SLC9A9: variants seen among roughly 807,000 people sequenced by gnomAD.
SLC9A9 encodes sodium/hydrogen exchanger 9.
In SLC9A9, 62 loss-of-function variants were observed where a neutral mutation model predicts 77.8. The ratio of observed to expected loss-of-function variants is 0.80; its 90% confidence interval spans 0.65 to 0.98. SLC9A9 has a LOEUF of 0.98. SLC9A9 is among the 50% of genes least tolerant of loss of function. The probability of loss-of-function intolerance (pLI) is 0.00; values close to 1 mark genes in which losing one functional copy is unlikely to be tolerated. For synonymous variants in SLC9A9, 320 were observed against 283.5 expected (o/e 1.13, Z -1.29); for missense variants, 775 against 774.9 (o/e 1.00, Z 0.00).
intron 4 of SLC9A9, among the ~76,000 whole-genome samples, chr3:143,725,843 A>G (rs2108806009): frequency 6.6e-6 from 1 of 151,726 alleles, no homozygotes; most frequent in Admixed American, 6.6e-5. Context: ...ATATGTAACT[A>G]ACCTGCACAT....
intron 12 of SLC9A9, among the ~76,000 whole-genome samples, chr3:143,419,153 T>G (rs2034252121): frequency 6.6e-6 from 1 of 152,186 alleles, no homozygotes; most frequent in Non-Finnish European, 1.5e-5. Flanking sequence ...CATTACCCTA[T>G]TAGGGTCTTA....
At chr3:143,510,150 A>G (rs1454000492) in intron 9 of SLC9A9, among the ~76,000 whole-genome samples, 2 of 152,242 alleles carry the variant, frequency 1.3e-5, no homozygotes, top group Non-Finnish European at 2.9e-5. Flanking sequence ...GTTGCTTAGA[A>G]AATATTACTA....
intron 2 of SLC9A9, among the ~76,000 whole-genome samples, chr3:143,809,807 C>A (rs1295683148): frequency 4.6e-5 from 7 of 152,166 alleles, no homozygotes; most frequent in Non-Finnish European, 1.5e-5. Flanking sequence ...TGGCCACTAG[C>A]CACATGAGCC....
chr3:143,405,927 A>C (rs1223619242), intron 12 of SLC9A9, among the ~76,000 whole-genome samples: 1 of 152,228 alleles, frequency 6.6e-6, no homozygotes, highest in African/African-American at 2.4e-5. Context: ...ATTTCTAGAG[A>C]CTTTAAACGT....
intron 8 of SLC9A9, among the ~76,000 whole-genome samples, chr3:143,571,666 A>T (rs1287865390): frequency 6.6e-6 from 1 of 152,144 alleles, no homozygotes; most frequent in African/African-American, 2.4e-5. Context: ...TGTATAACTC[A>T]TCATGTTCCC....
At chr3:143,650,440 TG>T (rs1416890035) in intron 6 of SLC9A9, among the ~76,000 whole-genome samples, 1 of 151,996 alleles carries the variant, frequency 6.6e-6, no homozygotes, top group Non-Finnish European at 1.5e-5. Context: ...GTGAAGAGAA[TG>T]GCACATGGAA....
chr3:143,633,705 A>T (rs552966842), intron 6 of SLC9A9, among the ~76,000 whole-genome samples: 8 of 152,220 alleles, frequency 5.3e-5, no homozygotes, highest in African/African-American at 1.9e-4. Context: ...AACATTGAAC[A>T]TATCTATAGC....
chr3:143,578,481 T>A, intron 7 of SLC9A9, 104 bp downstream of exon 7: 2 of 1,558,646 alleles, frequency 1.3e-6, no homozygotes, highest in Non-Finnish European at 1.8e-6. Flanking sequence ...TGGACCAGAC[T>A]ATCTAGCCTT....
chr3:143,727,880 T>C (rs1019599566), intron 4 of SLC9A9, among the ~76,000 whole-genome samples: 1 of 152,256 alleles, frequency 6.6e-6, no homozygotes, highest in African/African-American at 2.4e-5. Flanking sequence ...CATTAATGTG[T>C]TTGACAAATA....
intron 9 of SLC9A9, among the ~76,000 whole-genome samples, chr3:143,512,256 T>C (rs2036129143): frequency 6.6e-6 from 1 of 152,236 alleles, no homozygotes; most frequent in Admixed American, 6.5e-5. Flanking sequence ...TAAAACTTTA[T>C]AGGATCTAAA....
chr3:143,528,244 GC>G (rs1159127844), intron 9 of SLC9A9, among the ~76,000 whole-genome samples: 1 of 152,060 alleles, frequency 6.6e-6, no homozygotes, highest in Non-Finnish European at 1.5e-5. Context: ...GCTTTTCTGT[GC>G]CTCCTTTTAG....
chr3:143,760,466 TCTC>T (rs2108831672), intron 4 of SLC9A9, among the ~76,000 whole-genome samples: 1 of 152,170 alleles, frequency 6.6e-6, no homozygotes, highest in African/African-American at 2.4e-5. Flanking sequence ...CAGCCCAAAA[TCTC>T]CTTAAGTTGA....
chr3:143,599,984 C>T (rs1034959541), intron 6 of SLC9A9, among the ~76,000 whole-genome samples: 6 of 151,948 alleles, frequency 3.9e-5, no homozygotes, highest in East Asian at 3.9e-4. Context: ...CCTACCAGCC[C>T]GGTACTGCTT....
chr3:143,536,489 A>T (rs571564363), intron 9 of SLC9A9, among the ~76,000 whole-genome samples: 1 of 152,374 alleles, frequency 6.6e-6, no homozygotes, highest in South Asian at 2.1e-4. Context: ...GTGAAAGTAG[A>T]TTCCCATTTT....
At chr3:143,697,589 A>G (rs1377501334) in intron 4 of SLC9A9, among the ~76,000 whole-genome samples, 2 of 152,100 alleles carry the variant, frequency 1.3e-5, no homozygotes, top group Non-Finnish European at 2.9e-5. Flanking sequence ...CTTGTGACAA[A>G]CCAGAGTTTG....
At chr3:143,603,525 G>A (rs371023066) in intron 6 of SLC9A9, among the ~76,000 whole-genome samples, 3 of 152,202 alleles carry the variant, frequency 2.0e-5, no homozygotes, top group East Asian at 3.8e-4. Context: ...GTGCAGCCCT[G>A]TAGAGAAGTC....
Position 143,493,838 on chromosome 3 carries a change from T to A in SLC9A9, c.1204-74A>T, listed in dbSNP as rs931622576. On this transcript the variant is annotated intron_variant, in intron 10 of 15. Coordinates refer to ENST00000316549, the MANE Select transcript of SLC9A9 (RefSeq NM_173653.4). ...GGTTTGAATCCTTGAGCTTAAATATTATGTCCTCAAGCTTCTCTTCATTAT... is the reference window on the plus strand; with the variant it reads ...GGTTTGAATCCTTGAGCTTAAATATAATGTCCTCAAGCTTCTCTTCATTAT... 4 of 1,092,880 alleles carry A rather than the reference T, an allele frequency of 3.7e-6. No individual in the cohort carries two copies. In the Admixed American group the frequency reaches 5.2e-5, roughly 14 times the overall value. The allele number at this position is 1,092,880 out of a possible 1,614,324, so 67.7% of individuals were successfully genotyped here. A position where few individuals can be genotyped will look rare whatever the true frequency, so the allele number is the denominator to read the frequency against.
chr3:143,735,951 C>T (rs1934931367), intron 4 of SLC9A9, among the ~76,000 whole-genome samples: 1 of 152,084 alleles, frequency 6.6e-6, no homozygotes, highest in Non-Finnish European at 1.5e-5. Context: ...CTGTTCTTTC[C>T]CATGTGCTGT....
At chr3:143,666,437 C>A (rs569840924) in intron 5 of SLC9A9, among the ~76,000 whole-genome samples, 2 of 152,270 alleles carry the variant, frequency 1.3e-5, no homozygotes, top group African/African-American at 4.8e-5. Context: ...GACAGGGATG[C>A]CCTCTCTCAC....
Sources: gnomAD v4.1 joint callset for allele counts (sites outside exome capture counted in the v4.1 genomes callset) on GRCh38, gnomAD v4.1.1 for gene constraint, MANE v1.5 for transcripts, NCBI Gene and HGNC (gene_info 2026-07-23, HGNC 2026-07-21) for gene names.